Variants in RBFOX1 observed in about 807,000 individuals in gnomAD.
RBFOX1 encodes the protein RNA binding fox-1 homolog 1, also known as RNA binding protein fox-1 homolog 1.
In RBFOX1, 8 loss-of-function variants were observed where a neutral mutation model predicts 57.7. The observed-to-expected ratio is 0.14, with a 90% confidence interval of 0.08 to 0.25. The LOEUF is 0.25. RBFOX1 is among the 10% of genes least tolerant of loss of function. The probability of loss-of-function intolerance (pLI) is 1.00; values close to 1 mark genes in which losing one functional copy is unlikely to be tolerated. For synonymous variants in RBFOX1, 326 were observed against 222.4 expected (o/e 1.47, Z -4.15); for missense variants, 611 against 548.5 (o/e 1.11, Z -1.14).
At position 6,224,164 on chromosome 16, in the gene RBFOX1, A is replaced by G. The variant is rs371523299; in HGVS notation, c.-126-92831A>G. Among the ~76,000 whole-genome samples, 106 of 152,002 alleles carry G rather than the reference A, an allele frequency of 7.0e-4. 1 individual carries two copies. The East Asian group carries it at 0.018, about 26-fold the overall frequency. ...GCCTCCAGCTTTGTTCTTTTGGCTT[A>G]GGATTGACTTGGTGATGAGGGCTCT... On this transcript the variant is annotated intron_variant, in intron 1 of 15. Transcript: ENST00000550418.
intron 3 of RBFOX1, among the ~76,000 whole-genome samples, chr16:7,012,306 A>C (rs1277631626): frequency 6.6e-6 from 1 of 152,234 alleles, no homozygotes; most frequent in Non-Finnish European, 1.5e-5. Flanking sequence ...AATGTCTGGC[A>C]GGTGAGATCT....
At chr16:5,689,404 T>C (rs1031675177) in intron 3 of RBFOX1, among the ~76,000 whole-genome samples, 4 of 152,088 alleles carry the variant, frequency 2.6e-5, no homozygotes, top group African/African-American at 9.7e-5. Context: ...GTAACTATGA[T>C]TGTGGGAGTT....
rs181219812 is a variant in RBFOX1, at chr16:7,371,134, T to A, written c.28-147013T>A. ...TTTCATAAATGCCAAGGCCTGCCTT[T>A]TACTCTCCTTCTGCCCTTCTCCCTC... On this transcript the variant is annotated intron_variant, in intron 4 of 15. Coordinates refer to ENST00000550418, the MANE Select transcript of RBFOX1 (RefSeq NM_018723.4). Among the ~76,000 whole-genome samples the A allele has an allele frequency of 2.5e-3, 378 of 152,306 alleles. 5 individuals are homozygous for A. Among genetic ancestry groups the A allele is most frequent in the Non-Finnish European group, 6.8e-4 (46 of 68,022 alleles).
chr16:6,791,024 G>C (rs1003360324), intron 3 of RBFOX1, among the ~76,000 whole-genome samples: 8 of 151,926 alleles, frequency 5.3e-5, no homozygotes, highest in Non-Finnish European at 1.0e-4. Context: ...TTCCACTTCA[G>C]CCTTCTGAGC....
At chr16:7,372,258 A>C (rs918796782) in intron 4 of RBFOX1, among the ~76,000 whole-genome samples, 1 of 152,164 alleles carries the variant, frequency 6.6e-6, no homozygotes, top group Admixed American at 6.5e-5. Context: ...AAGGATGAGT[A>C]ACCACTTCAT....
intron 1 of RBFOX1, among the ~76,000 whole-genome samples, chr16:5,242,576 G>A (rs2062194936): frequency 6.6e-6 from 1 of 152,120 alleles, no homozygotes; most frequent in Non-Finnish European, 1.5e-5. Flanking sequence ...AGGAGAACCC[G>A]TTTCTTCACT....
At chr16:6,102,267 C>G (rs1349402300) in intron 1 of RBFOX1, among the ~76,000 whole-genome samples, 1 of 151,204 alleles carries the variant, frequency 6.6e-6, no homozygotes, top group African/African-American at 2.4e-5. Context: ...TCCTTTCTTC[C>G]CTCTCACTAT....
intron 4 of RBFOX1, among the ~76,000 whole-genome samples, chr16:7,473,962 G>A (rs867358388): frequency 6.6e-6 from 1 of 152,060 alleles, no homozygotes; most frequent in Non-Finnish European, 1.5e-5. Flanking sequence ...CAATCGAGAC[G>A]TTATTTAAAA....
At chr16:7,659,891 T>C (rs1054883001) in intron 12 of RBFOX1, among the ~76,000 whole-genome samples, 1 of 152,094 alleles carries the variant, frequency 6.6e-6, no homozygotes. Flanking sequence ...AATAATCTGA[T>C]TAAAAATTCT....
chr16:5,341,307 T>C (rs1475108832), intron 1 of RBFOX1, among the ~76,000 whole-genome samples: 4 of 152,110 alleles, frequency 2.6e-5, no homozygotes, highest in African/African-American at 4.8e-5. Context: ...CTGATTTATA[T>C]TGAGTAATAC....
chr16:6,299,539 C>T (rs547705335), intron 1 of RBFOX1, among the ~76,000 whole-genome samples: 2 of 152,206 alleles, frequency 1.3e-5, no homozygotes, highest in South Asian at 4.2e-4. Flanking sequence ...TCAGAGACCT[C>T]ATTTTACTCT....
At chr16:6,786,755 A>T (rs1043897764) in intron 3 of RBFOX1, among the ~76,000 whole-genome samples, 1 of 152,132 alleles carries the variant, frequency 6.6e-6, no homozygotes, top group African/African-American at 2.4e-5. Flanking sequence ...TGGAAATGAG[A>T]TACTTAAAGA....
At chr16:5,739,396 C>T (rs1443310630) in intron 3 of RBFOX1, among the ~76,000 whole-genome samples, 1 of 152,180 alleles carries the variant, frequency 6.6e-6, no homozygotes, top group African/African-American at 2.4e-5. Context: ...GAATCTGTGC[C>T]ATTGTGGCAC....
chr16:7,005,280 A>G (rs1450634204), intron 3 of RBFOX1, among the ~76,000 whole-genome samples: 1 of 152,214 alleles, frequency 6.6e-6, no homozygotes, highest in African/African-American at 2.4e-5. Context: ...ACCTAAAGAT[A>G]CTTGCCTCCA....
In RBFOX1 at chr16:6,076,325, AAC is replaced by A. The variant is rs1444406927; in HGVS notation, c.-127+56338_-127+56339del. Among the ~76,000 whole-genome samples, 6 of 150,766 alleles carry A rather than the reference AAC, an allele frequency of 4.0e-5. No homozygotes were observed. In the East Asian group the frequency reaches 7.8e-4, roughly 20 times the overall value. On this transcript the variant is annotated intron_variant, in intron 1 of 15. Transcript: ENST00000550418. Reference sequence around the variant, plus strand: ...AAAAAAAAAAAACAACAAACGCACAAACACACGCGCACACACACACATACACA... The same window carrying A: ...AAAAAAAAAAAACAACAAACGCACAAACACGCGCACACACACACATACACA...
At chr16:5,566,383 T>C (rs1448462819) in intron 2 of RBFOX1, among the ~76,000 whole-genome samples, 1 of 152,010 alleles carries the variant, frequency 6.6e-6, no homozygotes, top group Non-Finnish European at 1.5e-5. Context: ...GCACGGTACA[T>C]AGAGAATATT....
intron 3 of RBFOX1, among the ~76,000 whole-genome samples, chr16:5,791,342 C>T (rs1193244600): frequency 6.6e-6 from 1 of 152,170 alleles, no homozygotes; most frequent in Non-Finnish European, 1.5e-5. Flanking sequence ...ATCATCTTAA[C>T]AGACATCATT....
intron 10 of RBFOX1, among the ~76,000 whole-genome samples, chr16:7,613,759 G>C (rs938647885): frequency 5.3e-5 from 8 of 152,034 alleles, no homozygotes; most frequent in African/African-American, 1.4e-4. Context: ...TTACCGTTAA[G>C]AGAATGACTT....
intron 3 of RBFOX1, among the ~76,000 whole-genome samples, chr16:6,660,759 G>A (rs1199463958): frequency 2.4e-5 from 3 of 125,292 alleles, no homozygotes; most frequent in African/African-American, 7.6e-5. Flanking sequence ...TGTAGCTGCG[G>A]TTATTTTTAT....
Sources: allele counts gnomAD v4.1 joint callset (sites outside exome capture counted in the v4.1 genomes callset), GRCh38; gene constraint gnomAD v4.1.1; transcripts MANE v1.5; gene names NCBI Gene and HGNC (gene_info 2026-07-23, HGNC 2026-07-21).